Variants in NKAIN2 observed in about 807,000 individuals in gnomAD.
The protein encoded by NKAIN2 is sodium/potassium transporting ATPase interacting 2.
A neutral mutation model predicts 32.6 loss-of-function variants in NKAIN2; 14 were observed. The observed-to-expected ratio is 0.43, with a 90% CI of 0.28 to 0.67. The LOEUF is 0.67. Ranked by LOEUF, NKAIN2 falls within the 30% of genes least tolerant of loss-of-function variation. NKAIN2 has a pLI of 0.17. For synonymous variants in NKAIN2, 80 were observed against 87.2 expected (o/e 0.92, Z 0.46); for missense variants, 198 against 258.3 (o/e 0.77, Z 1.60).
chr6:124,338,639 A>C (rs1217239936), intron 2 of NKAIN2, among the ~76,000 whole-genome samples: 1 of 152,206 alleles, frequency 6.6e-6, no homozygotes, highest in Middle Eastern at 3.2e-3. Context: ...CTTTATTCTA[A>C]AAACAAACAA....
chr6:124,330,432 C>T (rs572166517), intron 2 of NKAIN2, among the ~76,000 whole-genome samples: 6 of 152,130 alleles, frequency 3.9e-5, no homozygotes, highest in African/African-American at 1.4e-4. Context: ...AGAAGCTGAT[C>T]CCATGTAGAG....
intron 3 of NKAIN2, among the ~76,000 whole-genome samples, chr6:124,526,355 A>G (rs761563582): frequency 2.0e-5 from 3 of 152,148 alleles, no homozygotes; most frequent in Non-Finnish European, 4.4e-5. Context: ...CCACATAGCA[A>G]CTACATGGGT....
intron 1 of NKAIN2, among the ~76,000 whole-genome samples, chr6:124,243,444 G>A (rs142616575): frequency 1.2e-3 from 177 of 151,708 alleles, no homozygotes; most frequent in African/African-American, 3.9e-3. Flanking sequence ...GCAGTGAGCC[G>A]AGATCATGCC....
At chr6:124,522,914 C>T (rs1393760430) in intron 3 of NKAIN2, among the ~76,000 whole-genome samples, 18 of 151,604 alleles carry the variant, frequency 1.2e-4, no homozygotes, top group African/African-American at 4.1e-4. Context: ...GAGGCCGAGG[C>T]GGGCGGATCA....
intron 1 of NKAIN2, among the ~76,000 whole-genome samples, chr6:124,022,943 C>T (rs2114764523): frequency 6.6e-6 from 1 of 151,978 alleles, no homozygotes; most frequent in East Asian, 1.9e-4. Context: ...CTGGACTCTG[C>T]AGCCTAGCAG....
chr6:124,112,759 C>CT (rs1382689342), intron 1 of NKAIN2, among the ~76,000 whole-genome samples: 2 of 151,422 alleles, frequency 1.3e-5, no homozygotes, highest in Admixed American at 1.3e-4. Flanking sequence ...TTTTTCTATT[C>CT]TTTTTTTCTC....
At chr6:124,687,366 TAC>T (rs202071762) in intron 4 of NKAIN2, among the ~76,000 whole-genome samples, 43 of 132,680 alleles carry the variant, frequency 3.2e-4, no homozygotes, top group African/African-American at 1.1e-3. Context: ...ATTCCATACA[TAC>T]ACATACATGG....
At chr6:124,447,450 C>T (rs1043765093) in intron 3 of NKAIN2, among the ~76,000 whole-genome samples, 6 of 151,960 alleles carry the variant, frequency 3.9e-5, no homozygotes, top group African/African-American at 1.4e-4. Context: ...TGTAATTAAT[C>T]CAGGAGGTTG....
intron 3 of NKAIN2, among the ~76,000 whole-genome samples, chr6:124,600,370 C>G (rs1782260294): frequency 6.6e-6 from 1 of 152,046 alleles, no homozygotes; most frequent in African/African-American, 2.4e-5. Context: ...AGCGGTCAAT[C>G]TGATTGAACC....
At chr6:124,432,961 G>T (rs1156836387) in intron 3 of NKAIN2, among the ~76,000 whole-genome samples, 1 of 152,116 alleles carries the variant, frequency 6.6e-6, no homozygotes, top group Non-Finnish European at 1.5e-5. Context: ...CCATGAAGTT[G>T]TGATCCTCTA....
chr6:124,778,436 C>T (rs996175578), intron 4 of NKAIN2, among the ~76,000 whole-genome samples: 2 of 150,248 alleles, frequency 1.3e-5, no homozygotes, highest in African/African-American at 4.9e-5. Flanking sequence ...AATTATTTTT[C>T]TTCTCCTACT....
At chr6:123,866,927 C>A (rs530934584) in intron 1 of NKAIN2, among the ~76,000 whole-genome samples, 1 of 152,238 alleles carries the variant, frequency 6.6e-6, no homozygotes, top group South Asian at 2.1e-4. Context: ...AGTCTCCCTT[C>A]CCTCATTCTA....
At chr6:123,824,183 AGT>A (rs1247225042) in intron 1 of NKAIN2, among the ~76,000 whole-genome samples, 2 of 152,156 alleles carry the variant, frequency 1.3e-5, no homozygotes, top group East Asian at 3.9e-4. Flanking sequence ...CCTGAAAGTA[AGT>A]GGAAGAGGCC....
chr6:124,332,261 A>C (rs12195128), intron 2 of NKAIN2, among the ~76,000 whole-genome samples: 21,888 of 151,822 alleles, frequency 0.14, 2,047 homozygotes, highest in Admixed American at 0.23. Flanking sequence ...AGAGAGAGAG[A>C]GAAAGAGAAA....
intron 1 of NKAIN2, among the ~76,000 whole-genome samples, chr6:124,145,508 T>C (rs1054603915): frequency 6.6e-6 from 1 of 151,864 alleles, no homozygotes; most frequent in African/African-American, 2.4e-5. Flanking sequence ...TTTGTTTTTG[T>C]TTTTGTTTTT....
At chr6:124,504,356 T>G (rs1358267641) in intron 3 of NKAIN2, among the ~76,000 whole-genome samples, 1 of 152,176 alleles carries the variant, frequency 6.6e-6, no homozygotes, top group African/African-American at 2.4e-5. Flanking sequence ...TTGTTCTTCT[T>G]TTCCACACTT....
chr6:124,655,750 G>A (rs1418743269), intron 3 of NKAIN2, among the ~76,000 whole-genome samples: 2 of 152,100 alleles, frequency 1.3e-5, no homozygotes, highest in East Asian at 1.9e-4. Flanking sequence ...ATACATAGTT[G>A]AGTTGATTAT....
chr6:124,314,388 T>C (rs1796849132), intron 2 of NKAIN2, among the ~76,000 whole-genome samples: 1 of 151,422 alleles, frequency 6.6e-6, no homozygotes, highest in Non-Finnish European at 1.5e-5. Flanking sequence ...TTTTGCAAGA[T>C]AAAAATGTTT....
At chr6:124,141,219 T>C (rs1787122544) in intron 1 of NKAIN2, among the ~76,000 whole-genome samples, 1 of 152,158 alleles carries the variant, frequency 6.6e-6, no homozygotes, top group South Asian at 2.1e-4. Flanking sequence ...TTTAGTTTCC[T>C]GGGAGCAATG....
Sources: allele counts gnomAD v4.1 joint callset (sites outside exome capture counted in the v4.1 genomes callset), GRCh38; gene constraint gnomAD v4.1.1; transcripts MANE v1.5; gene names NCBI Gene and HGNC (gene_info 2026-07-23, HGNC 2026-07-21).